The following XKR9 variants were observed in gnomAD, a reference collection of about 807,000 sequenced individuals.
XKR9 encodes XK-related protein 9.
A neutral mutation model predicts 32.0 loss-of-function variants in XKR9; 32 were observed. The ratio of observed to expected loss-of-function variants is 1.00; its 90% confidence interval spans 0.76 to 1.34. XKR9 has a LOEUF of 1.34. XKR9 is among the 40% of genes most tolerant of loss of function. The pLI is 0.00. For missense variants in XKR9, 546 were observed against 429.7 expected (o/e 1.27, Z -2.39); for synonymous variants, 168 against 143.4 (o/e 1.17, Z -1.22).
chr8:70,678,906 T>A (rs1379629998), intron 2 of XKR9, among the ~76,000 whole-genome samples: 2 of 152,318 alleles, frequency 1.3e-5, no homozygotes, highest in East Asian at 3.9e-4. Context: ...AAGTAATAAA[T>A]TTTTTTATAG....
chr8:70,881,456 A>T, the XKR9 span, among the ~76,000 whole-genome samples: 10 of 152,194 alleles, frequency 6.6e-5, no homozygotes, highest in African/African-American at 2.2e-4. Context: ...TGGGCAAAGA[A>T]TATGAACAGA....
rs1371726384 is a variant in XKR9 at position 70,784,347 on chromosome 8, TTTTAA to T, written n.353-4987_353-4983del. Among the ~76,000 whole-genome samples the T allele has an allele frequency of 5.9e-5, 9 of 152,178 alleles. 1 individual carries two copies. The highest frequency in any genetic ancestry group is 5.2e-4 in the Admixed American group (8 of 15,272). The stretch of plus-strand genomic sequence containing the variant: ...TTTCAATCCATGAATGTGGAATATC[TTTTAA>T]TTTATTAGTGTCTTCTTTGATTTCT... On this transcript the variant is annotated intron_variant and non_coding_transcript_variant, in intron 2 of 3. Coordinates refer to the XKR9 transcript ENST00000520273.
At chr8:71,015,906 C>T in the XKR9 span, among the ~76,000 whole-genome samples, 1 of 152,116 alleles carries the variant, frequency 6.6e-6, no homozygotes, top group Non-Finnish European at 1.5e-5. Context: ...GAAAGGCTGA[C>T]ATCTGTTTAC....
chr8:70,908,290 C>T, the XKR9 span, among the ~76,000 whole-genome samples: 1 of 152,184 alleles, frequency 6.6e-6, no homozygotes, highest in Non-Finnish European at 1.5e-5. Flanking sequence ...ATAATTACAA[C>T]TATAAGCCTC....
At chr8:71,063,403 G>T in the XKR9 span, among the ~76,000 whole-genome samples, 41 of 152,190 alleles carry the variant, frequency 2.7e-4, no homozygotes, top group African/African-American at 9.9e-4. Flanking sequence ...GGTCATATTT[G>T]TCATCTATCT....
chr8:70,922,173 A>G, the XKR9 span, among the ~76,000 whole-genome samples: 2 of 152,180 alleles, frequency 1.3e-5, no homozygotes, highest in East Asian at 3.8e-4. Context: ...CCTGCATGCT[A>G]TGGACTCAGC....
the XKR9 span, among the ~76,000 whole-genome samples, chr8:70,999,613 G>A: frequency 6.6e-6 from 1 of 152,172 alleles, no homozygotes; most frequent in Non-Finnish European, 1.5e-5. Flanking sequence ...GTTCATACAT[G>A]ATTCTCAGAC....
chr8:70,987,136 G>A, the XKR9 span, among the ~76,000 whole-genome samples: 1 of 152,114 alleles, frequency 6.6e-6, no homozygotes, highest in Non-Finnish European at 1.5e-5. Context: ...TTCAAGATAA[G>A]ATTTGGGTGG....
rs191816485 is a variant in XKR9 at position 70,755,564 on chromosome 8, G to A, written n.353-33775G>A. Among the ~76,000 whole-genome samples, 825 of 152,168 alleles carry A rather than the reference G, an allele frequency of 5.4e-3. 11 individuals are homozygous for A. The highest frequency in any genetic ancestry group is 0.019 in the African/African-American group (791 of 41,488). On this transcript the variant is annotated intron_variant and non_coding_transcript_variant, in intron 2 of 3. Transcript: ENST00000520273. ...GTAAATGTGACACATATACACCATG[G>A]AATACTATGCAGCCATAAAAAATGA... is the stretch of plus-strand genomic sequence containing the variant.
intron 2 of XKR9, among the ~76,000 whole-genome samples, chr8:70,751,951 A>G (rs889495609): frequency 3.3e-5 from 5 of 152,218 alleles, no homozygotes; most frequent in African/African-American, 1.2e-4. Context: ...AGCCCGTCTC[A>G]TGTATCTCTC....
chr8:70,783,690 G>T (rs1042848146), intron 2 of XKR9, among the ~76,000 whole-genome samples: 1 of 152,034 alleles, frequency 6.6e-6, no homozygotes, highest in Non-Finnish European at 1.5e-5. Context: ...TTTCTTTGCT[G>T]TGCAGAAGCT....
chr8:70,800,419 A>C, the XKR9 span, among the ~76,000 whole-genome samples: 1 of 152,078 alleles, frequency 6.6e-6, no homozygotes, highest in Non-Finnish European at 1.5e-5. Flanking sequence ...GTTTTTTGGA[A>C]TATTTTTAGG....
At chr8:70,871,704 C>T in the XKR9 span, among the ~76,000 whole-genome samples, 1 of 152,070 alleles carries the variant, frequency 6.6e-6, no homozygotes, top group Non-Finnish European at 1.5e-5. Context: ...TGAAATTAGG[C>T]CACTTAATAA....
Position 70,776,923 on chromosome 8 carries a change from T to TCTCTCTCTCTC in XKR9, n.353-12416_353-12415insCTCTCTCTCTC, listed in dbSNP as rs1563477157. 5.3e-3 allele frequency among the ~76,000 whole-genome samples: 313 copies of TCTCTCTCTCTC among 59,418 alleles called. 31 individuals carry two copies. Among genetic ancestry groups the TCTCTCTCTCTC allele is most frequent in the Non-Finnish European group, 7.4e-3 (229 of 30,976 alleles). 39.0% of individuals were successfully genotyped at this position (59,418 alleles called of 152,430 possible). On this transcript the variant is annotated intron_variant and non_coding_transcript_variant, in intron 2 of 3. Transcript: ENST00000520273. ...TGCATTTAGCAGGTTTTCTCTTTCT[T>TCTCTCTCTCTC]TCTCTCTCTCTCTCTCTCTCTCTCT... is the stretch of plus-strand genomic sequence containing the variant.
intron 4 of XKR9, among the ~76,000 whole-genome samples, chr8:70,717,648 G>T (rs1238492719): frequency 6.6e-6 from 1 of 152,124 alleles, no homozygotes; most frequent in Non-Finnish European, 1.5e-5. Flanking sequence ...TTCATCTTAG[G>T]CCTCCAGGTC....
chr8:70,882,687 C>T, the XKR9 span, among the ~76,000 whole-genome samples: 6 of 152,134 alleles, frequency 3.9e-5, no homozygotes, highest in South Asian at 1.2e-3. Context: ...CCCCACTACT[C>T]CCACTCTACT....
the XKR9 span, among the ~76,000 whole-genome samples, chr8:70,809,097 C>T: frequency 6.6e-6 from 1 of 152,310 alleles, no homozygotes; most frequent in East Asian, 1.9e-4. Flanking sequence ...TGAGACAAAA[C>T]TTCCAGGGGA....
At chr8:71,005,622 A>G in the XKR9 span, among the ~76,000 whole-genome samples, 4 of 152,230 alleles carry the variant, frequency 2.6e-5, no homozygotes, top group African/African-American at 9.6e-5. Flanking sequence ...ATCCATGTCT[A>G]GAAGTGGAAA....
chr8:71,003,117 A>G, the XKR9 span, among the ~76,000 whole-genome samples: 1 of 152,288 alleles, frequency 6.6e-6, no homozygotes, highest in African/African-American at 2.4e-5. Context: ...TTTGAATGTG[A>G]TCTCTTTCAC....
Sources: gnomAD v4.1 joint callset for allele counts (sites outside exome capture counted in the v4.1 genomes callset) on GRCh38, gnomAD v4.1.1 for gene constraint, MANE v1.5 for transcripts, NCBI Gene and HGNC (gene_info 2026-07-23, HGNC 2026-07-21) for gene names.